DOCK4: variants seen among roughly 807,000 people sequenced by gnomAD.
The protein encoded by DOCK4 is dedicator of cytokinesis protein 4.
In DOCK4, 97 loss-of-function variants were observed where a neutral mutation model predicts 268.1. The ratio of observed to expected loss-of-function variants is 0.36; its 90% CI spans 0.31 to 0.43. The LOEUF is 0.43. Among genes scored for constraint, DOCK4 ranks in the 20% least tolerant of loss-of-function variants. The pLI, the probability that DOCK4 is intolerant of heterozygous loss-of-function variation, is 1.00. For synonymous variants in DOCK4, 954 were observed against 887.2 expected (o/e 1.08, Z -1.34); for missense variants, 2,145 against 2,455.7 (o/e 0.87, Z 2.67).
intron 1 of DOCK4, among the ~76,000 whole-genome samples, chr7:112,043,766 G>A (rs1563026388): frequency 1.3e-5 from 2 of 151,866 alleles, no homozygotes; most frequent in Non-Finnish European, 1.5e-5. Context: ...ATACCCCCTA[G>A]ATAAGCTAAT....
chr7:111,915,996 T>A, intron 12 of DOCK4, 92 bp from the exon 13 acceptor site: 1 of 1,378,224 alleles, frequency 7.3e-7, no homozygotes. Flanking sequence ...ATTTAGAATA[T>A]CATGGTTTTA....
At chr7:112,085,948 T>C (rs1395536437) in intron 1 of DOCK4, among the ~76,000 whole-genome samples, 5 of 152,106 alleles carry the variant, frequency 3.3e-5, no homozygotes, top group African/African-American at 7.2e-5. Context: ...AAGTACATCC[T>C]TGAAACATTG....
intron 41 of DOCK4, among the ~76,000 whole-genome samples, chr7:111,757,027 G>T (rs1797066955): frequency 6.6e-6 from 1 of 152,040 alleles, no homozygotes; most frequent in Non-Finnish European, 1.5e-5. Context: ...GTAGGAGTTT[G>T]CCAGGAGGAG....
intron 1 of DOCK4, among the ~76,000 whole-genome samples, chr7:112,029,342 T>G (rs1563010367): frequency 1.3e-5 from 2 of 152,218 alleles, no homozygotes; most frequent in African/African-American, 2.4e-5. Context: ...GAAAGAATGT[T>G]TTTAACCTCT....
chr7:111,901,130 T>C (rs1228199001), intron 14 of DOCK4, among the ~76,000 whole-genome samples: 1 of 152,124 alleles, frequency 6.6e-6, no homozygotes, highest in African/African-American at 2.4e-5. Context: ...GGCCAGGAGT[T>C]CGAGACCAGC....
intron 25 of DOCK4, among the ~76,000 whole-genome samples, chr7:111,839,880 T>C (rs1358340009): frequency 1.3e-5 from 2 of 152,224 alleles, no homozygotes; most frequent in African/African-American, 4.8e-5. Flanking sequence ...TTTGGTTACA[T>C]GAGTAAGTCT....
chr7:111,879,109 A>G (rs183706992), intron 16 of DOCK4, among the ~76,000 whole-genome samples: 2 of 152,076 alleles, frequency 1.3e-5, no homozygotes, highest in Admixed American at 6.5e-5. Flanking sequence ...AAAAGTAAAG[A>G]GGACTTTGTT....
Position 111,996,210 on chromosome 7 carries a change from C to T in DOCK4, c.219-1979G>A, listed in dbSNP as rs188959376. Among the ~76,000 whole-genome samples the T allele has an allele frequency of 5.1e-4, 78 of 152,284 alleles. No individual in the cohort carries two copies. The East Asian group carries it at 0.014, about 26-fold the overall frequency. ...TGACCTCCAACAGTCCTACATTGAT[C>T]TGAAGACACAAGAAAGAACATACAC... On this transcript the variant is annotated intron_variant, in intron 4 of 52. Transcript: ENST00000428084.
chr7:111,915,690 CA>C, intron 13 of DOCK4, 88 bp downstream of exon 13: 1 of 1,448,682 alleles, frequency 6.9e-7, no homozygotes, highest in Non-Finnish European at 9.3e-7. Flanking sequence ...GTGAATGCTT[CA>C]AAGCTGGCAA....
In DOCK4 at chr7:111,933,300, T is replaced by TA. The variant is rs1562905551; in HGVS notation, c.1066+2239_1066+2240insT. On this transcript the variant is annotated intron_variant, in intron 12 of 52. Coordinates refer to ENST00000428084, the MANE Select transcript of DOCK4 (RefSeq NM_001363540.2). Reference sequence around the variant, plus strand: ...TATACATATATATATATATATATATTTTTTTTTTTTTTTGAGATGGAGTCT... The same window carrying TA: ...TATACATATATATATATATATATATTATTTTTTTTTTTTTGAGATGGAGTCT... 2.4e-3 allele frequency among the ~76,000 whole-genome samples: 227 copies of TA among 92,676 alleles called. 18 individuals carry two copies. The highest frequency in any genetic ancestry group is 0.011 in the African/African-American group (211 of 19,258). 60.8% of individuals were successfully genotyped at this position (92,676 alleles called of 152,430 possible). A position where few individuals can be genotyped will look rare whatever the true frequency, so the allele number is the denominator to read the frequency against.
intron 4 of DOCK4, 116 bp downstream of exon 4, chr7:111,998,332 C>T (rs2135278780): frequency 1.3e-6 from 1 of 793,318 alleles, no homozygotes; most frequent in East Asian, 2.9e-5. Context: ...AGAACACAGA[C>T]AATGGTATGA....
chr7:112,161,031 T>C (rs911914037), intron 1 of DOCK4, among the ~76,000 whole-genome samples: 12 of 152,220 alleles, frequency 7.9e-5, no homozygotes, highest in Non-Finnish European at 5.9e-5. Context: ...AAGTGAGTCA[T>C]AGGCTTTAAT....
rs867513610 is a variant in DOCK4 at position 111,976,177 on chromosome 7, T to C, written c.701+955A>G. 5.9e-4 allele frequency among the ~76,000 whole-genome samples: 53 copies of C among 89,148 alleles called. 4 individuals carry two copies. Among genetic ancestry groups the C allele is most frequent in the African/African-American group, 2.1e-3 (30 of 14,162 alleles). 58.5% of individuals were successfully genotyped at this position (89,148 alleles called of 152,430 possible). A position where few individuals can be genotyped will look rare whatever the true frequency, so the allele number is the denominator to read the frequency against. On this transcript the variant is annotated intron_variant, in intron 8 of 52. Transcript: ENST00000428084. ...AAAAAAAAAAATATATATATATATA[T>C]ACACACACACACACGCACACACGCA...
At chr7:111,734,072 G>C (rs1234930436) in intron 51 of DOCK4, among the ~76,000 whole-genome samples, 2 of 152,102 alleles carry the variant, frequency 1.3e-5, no homozygotes, top group African/African-American at 4.8e-5. Flanking sequence ...CAACTAGCTA[G>C]GACTAGAGGT....
chr7:112,206,018 G>A, intron 1 of DOCK4, 84 bp downstream of exon 1: 9 of 1,464,360 alleles, frequency 6.1e-6, no homozygotes, highest in Non-Finnish European at 5.6e-6. Flanking sequence ...ACCGGGCGGA[G>A]CGAGAGGGGC....
chr7:111,767,191 T>G, intron 37 of DOCK4, 73 bp from the exon 38 acceptor site: 8 of 1,273,656 alleles, frequency 6.3e-6, no homozygotes, highest in Non-Finnish European at 9.0e-6. Context: ...AGTCAGAACA[T>G]GAGTGCTTTC....
At chr7:112,036,350 A>G (rs1327946986) in intron 1 of DOCK4, among the ~76,000 whole-genome samples, 4 of 152,160 alleles carry the variant, frequency 2.6e-5, no homozygotes, top group Non-Finnish European at 5.9e-5. Context: ...TAAATATAGA[A>G]CTAAGACTAA....
At chr7:112,167,972 T>C (rs1817749002) in intron 1 of DOCK4, among the ~76,000 whole-genome samples, 1 of 152,150 alleles carries the variant, frequency 6.6e-6, no homozygotes, top group South Asian at 2.1e-4. Context: ...ACAGTGATGA[T>C]CACAATTACA....
intron 30 of DOCK4, among the ~76,000 whole-genome samples, chr7:111,802,828 T>C (rs563386738): frequency 6.6e-6 from 1 of 152,326 alleles, no homozygotes; most frequent in South Asian, 2.1e-4. Flanking sequence ...TCAGTGATTA[T>C]CAAGACTCTT....
Sources: gnomAD v4.1 joint callset for allele counts (sites outside exome capture counted in the v4.1 genomes callset) on GRCh38, gnomAD v4.1.1 for gene constraint, MANE v1.5 for transcripts, NCBI Gene and HGNC (gene_info 2026-07-23, HGNC 2026-07-21) for gene names.